The following TBC1D32 variants were observed in gnomAD, a reference collection of about 807,000 sequenced individuals.
TBC1D32 encodes protein broad-minded.
Under a neutral mutation model 170.3 loss-of-function variants are expected in TBC1D32, and 151 were observed. The ratio of observed to expected loss-of-function variants is 0.89; its 90% CI spans 0.78 to 1.01. The LOEUF (loss-of-function observed/expected upper bound fraction) is 1.01, where lower values mean the gene tolerates loss of function less well. TBC1D32 is among the 50% of genes least tolerant of loss of function. The pLI, the probability that TBC1D32 is intolerant of heterozygous loss-of-function variation, is 0.00. For missense variants in TBC1D32, 1,464 were observed against 1,457.1 expected (o/e 1.00, Z -0.08); for synonymous variants, 498 against 488.0 (o/e 1.02, Z -0.27).
chr6:121,150,295 G>A (rs1358658254), intron 24 of TBC1D32, among the ~76,000 whole-genome samples: 4 of 152,182 alleles, frequency 2.6e-5, no homozygotes, highest in Non-Finnish European at 5.9e-5. Context: ...CTGTTTATGT[G>A]ATGGATTATA....
At chr6:121,215,488 G>A (rs965200385) in intron 21 of TBC1D32, among the ~76,000 whole-genome samples, 10 of 152,138 alleles carry the variant, frequency 6.6e-5, no homozygotes, top group Non-Finnish European at 1.2e-4. Flanking sequence ...AACCAATTGC[G>A]ACAAGAGCAA....
At chr6:121,223,426 T>C in intron 20 of TBC1D32, 74 bp from the exon 21 acceptor site, 1 of 990,256 alleles carries the variant, frequency 1.0e-6, no homozygotes, top group Non-Finnish European at 1.6e-6. Flanking sequence ...ATTAATGTAG[T>C]TTCCTATCTG....
At chr6:121,218,735 C>T (rs530614425) in intron 21 of TBC1D32, among the ~76,000 whole-genome samples, 5 of 152,260 alleles carry the variant, frequency 3.3e-5, no homozygotes, top group Admixed American at 1.3e-4. Flanking sequence ...GACTAATACA[C>T]CATATGTCAT....
At chr6:121,161,147 C>G in intron 22 of TBC1D32, 91 bp from the exon 23 acceptor site, 1 of 956,270 alleles carries the variant, frequency 1.0e-6, no homozygotes, top group Non-Finnish European at 1.6e-6. Context: ...AGAAAAAAGG[C>G]AAAAATATTT....
chr6:121,162,516 C>G (rs1022412669), intron 22 of TBC1D32, among the ~76,000 whole-genome samples: 1 of 152,144 alleles, frequency 6.6e-6, no homozygotes, highest in African/African-American at 2.4e-5. Context: ...CTTCTCTCAC[C>G]ACTCCTATTA....
At chr6:121,213,538 T>A (rs1793419287) in intron 21 of TBC1D32, among the ~76,000 whole-genome samples, 1 of 88,452 alleles carries the variant, frequency 1.1e-5, no homozygotes, top group African/African-American at 4.9e-5. Context: ...TAAAATAAAA[T>A]AAAATAAAAT....
chr6:121,302,063 T>G (rs1032763145), intron 9 of TBC1D32, among the ~76,000 whole-genome samples: 4 of 152,188 alleles, frequency 2.6e-5, no homozygotes, highest in Non-Finnish European at 5.9e-5. Flanking sequence ...AACTTAATAA[T>G]AAGAGAAGTT....
chr6:121,168,727 A>AT (rs1357684896), intron 22 of TBC1D32, among the ~76,000 whole-genome samples: 1 of 148,684 alleles, frequency 6.7e-6, no homozygotes, highest in African/African-American at 2.4e-5. Flanking sequence ...AAAAAAAAAA[A>AT]AAAAAAATCA....
chr6:121,233,147 G>A (rs1334158272), intron 20 of TBC1D32, among the ~76,000 whole-genome samples: 4 of 151,960 alleles, frequency 2.6e-5, no homozygotes, highest in Admixed American at 6.6e-5. Context: ...TATCTTGGAG[G>A]ATGTTCTATG....
chr6:121,108,158 A>G lies in TBC1D32; in HGVS notation c.3325-1995T>C, dbSNP rs556487915. Among the ~76,000 whole-genome samples, 7 of 152,220 alleles carry G rather than the reference A, an allele frequency of 4.6e-5. No homozygotes were observed. The East Asian group carries it at 1.4e-3, about 29-fold the overall frequency. On this transcript the variant is annotated intron_variant, in intron 29 of 31. Coordinates refer to ENST00000398212, the MANE Select transcript of TBC1D32 (RefSeq NM_152730.6). ...GTCATAAAGTAAGCTCACTTATATAAAAAGTTTCATTAGTTGGTCTATTAA... is the reference window on the plus strand; with the variant it reads ...GTCATAAAGTAAGCTCACTTATATAGAAAGTTTCATTAGTTGGTCTATTAA...
intron 24 of TBC1D32, among the ~76,000 whole-genome samples, chr6:121,155,570 T>C (rs1239756647): frequency 6.6e-6 from 1 of 152,160 alleles, no homozygotes; most frequent in African/African-American, 2.4e-5. Context: ...CATAGTTGTC[T>C]TTTTTCAGTT....
At chr6:121,090,125 G>T (rs895376644) in intron 31 of TBC1D32, among the ~76,000 whole-genome samples, 4 of 152,006 alleles carry the variant, frequency 2.6e-5, no homozygotes, top group African/African-American at 9.7e-5. Context: ...GTAGAGACGG[G>T]GTTTCACCGT....
chr6:121,103,850 T>C (rs76072953), intron 30 of TBC1D32, among the ~76,000 whole-genome samples: 3,765 of 152,044 alleles, frequency 0.025, 170 homozygotes, highest in East Asian at 0.13. Context: ...CTGTTCCCAG[T>C]TGAGCTTTTT....
rs1210293811 is a variant in TBC1D32, at chr6:121,079,603, T to A, written c.*1168A>T. 6.6e-6 allele frequency: 1 copy of A among 152,152 alleles called. No individual in the cohort carries two copies. The highest frequency in any genetic ancestry group is 1.9e-4 in the East Asian group (1 of 5,198). The allele number at this position is 152,152 out of a possible 1,614,324, so 9.4% of individuals were successfully genotyped here. Reference sequence around the variant, plus strand: ...ATTGAAATAAACTCATGACTAAAAATGAATAATGTAATATATTCGTGTATT... The same window carrying A: ...ATTGAAATAAACTCATGACTAAAAAAGAATAATGTAATATATTCGTGTATT... On this transcript the variant is annotated 3_prime_UTR_variant, in exon 32 of 32. Coordinates refer to ENST00000398212, the MANE Select transcript of TBC1D32 (RefSeq NM_152730.6).
chr6:121,109,026 T>C (rs1432458058), intron 29 of TBC1D32, among the ~76,000 whole-genome samples: 1 of 152,100 alleles, frequency 6.6e-6, no homozygotes, highest in Non-Finnish European at 1.5e-5. Flanking sequence ...GAAAACTGAA[T>C]CGGCAAATAT....
intron 1 of TBC1D32, among the ~76,000 whole-genome samples, chr6:121,324,051 C>T (rs1810127537): frequency 6.6e-6 from 1 of 152,144 alleles, no homozygotes; most frequent in Admixed American, 6.5e-5. Flanking sequence ...TAGATGAGGA[C>T]ACAGATTCAA....
At chr6:121,264,344 T>C (rs1800168172) in intron 15 of TBC1D32, among the ~76,000 whole-genome samples, 1 of 152,110 alleles carries the variant, frequency 6.6e-6, no homozygotes, top group African/African-American at 2.4e-5. Context: ...GTTAAATTCC[T>C]GGACACATAA....
intron 22 of TBC1D32, among the ~76,000 whole-genome samples, chr6:121,197,501 A>G (rs1266474017): frequency 3.3e-5 from 5 of 152,138 alleles, no homozygotes; most frequent in Non-Finnish European, 7.4e-5. Flanking sequence ...CATGTTTGTG[A>G]TTGTATACAC....
intron 22 of TBC1D32, chr6:121,192,621 T>C (rs1476293964): frequency 6.6e-6 from 1 of 152,134 alleles, no homozygotes; most frequent in African/African-American, 2.4e-5. Context: ...AAAATGTGCA[T>C]GCACAGCCTC....
Sources: allele counts gnomAD v4.1 joint callset (sites outside exome capture counted in the v4.1 genomes callset), GRCh38; gene constraint gnomAD v4.1.1; transcripts MANE v1.5; gene names NCBI Gene and HGNC (gene_info 2026-07-23, HGNC 2026-07-21).